The following PSD3 variants were observed in gnomAD, a reference collection of about 807,000 sequenced individuals.
PSD3 encodes the protein pleckstrin and Sec7 domain containing 3, also known as PH and SEC7 domain-containing protein 3.
A neutral mutation model predicts 105.5 loss-of-function variants in PSD3; 49 were observed. The observed-to-expected ratio is 0.46, with a 90% CI of 0.37 to 0.59. PSD3 has a LOEUF of 0.59. Among genes scored for constraint, PSD3 ranks in the 20% least tolerant of loss-of-function variants. The pLI is 0.00. For missense variants in PSD3, 1,561 were observed against 1,263.8 expected (o/e 1.24, Z -3.57); for synonymous variants, 557 against 457.8 (o/e 1.22, Z -2.77).
intron 4 of PSD3, among the ~76,000 whole-genome samples, chr8:18,830,170 G>A (rs1174528521): frequency 6.6e-6 from 1 of 152,076 alleles, no homozygotes; most frequent in African/African-American, 2.4e-5. Context: ...TTGAACTACT[G>A]TCCTCAAGTG....
intron 1 of PSD3, among the ~76,000 whole-genome samples, chr8:19,077,536 A>C (rs1448508652): frequency 1.3e-5 from 2 of 152,176 alleles, no homozygotes; most frequent in Admixed American, 6.5e-5. Flanking sequence ...TGTAGCCGTC[A>C]TTCTGTCATT....
chr8:18,763,083 C>A (rs575583361), intron 9 of PSD3: 1 of 470,062 alleles, frequency 2.1e-6, no homozygotes, highest in South Asian at 1.5e-5. Context: ...TGACATGGAA[C>A]AACAGACATT....
At chr8:18,959,989 G>A (rs1282114568) in intron 1 of PSD3, among the ~76,000 whole-genome samples, 1 of 152,136 alleles carries the variant, frequency 6.6e-6, no homozygotes, top group Non-Finnish European at 1.5e-5. Context: ...TCAAAGCACA[G>A]TACAAGTCCC....
chr8:18,738,557 C>T (rs550751205), intron 9 of PSD3, among the ~76,000 whole-genome samples: 2 of 152,300 alleles, frequency 1.3e-5, no homozygotes, highest in Admixed American at 1.3e-4. Context: ...ATCTACCATA[C>T]ACATCACATG....
At chr8:18,550,792 G>A (rs1185632058) in intron 15 of PSD3, among the ~76,000 whole-genome samples, 2 of 151,774 alleles carry the variant, frequency 1.3e-5, no homozygotes, top group Admixed American at 6.6e-5. Flanking sequence ...AGTATCCCAC[G>A]AAAAAAAGAA....
intron 1 of PSD3, among the ~76,000 whole-genome samples, chr8:18,960,154 A>G (rs1823824482): frequency 6.6e-6 from 1 of 152,244 alleles, no homozygotes; most frequent in South Asian, 2.1e-4. Context: ...AGAAAAACCG[A>G]GTCCCTGTCT....
intron 12 of PSD3, among the ~76,000 whole-genome samples, chr8:18,591,494 G>C (rs1177084526): frequency 1.3e-5 from 2 of 152,176 alleles, no homozygotes; most frequent in Non-Finnish European, 2.9e-5. Context: ...AAGAAAGGTA[G>C]AGTGTGTGGC....
rs139174384 is a variant in PSD3, at chr8:18,890,137, C to T, written c.131-17404G>A. On this transcript the variant is annotated intron_variant, in intron 2 of 15. Transcript: ENST00000327040. The stretch of plus-strand genomic sequence containing the variant: ...TTTATTGTTACCTTTTTTTAAAGCA[C>T]GGGATCCACGTAGGAGACAATAAGA... Among the ~76,000 whole-genome samples, 17 of 151,836 alleles carry T rather than the reference C, an allele frequency of 1.1e-4. No individual in the cohort carries two copies. In the East Asian group the frequency reaches 3.3e-3, roughly 29 times the overall value.
chr8:18,875,479 A>G (rs1329567632), intron 2 of PSD3, among the ~76,000 whole-genome samples: 2 of 151,176 alleles, frequency 1.3e-5, no homozygotes, highest in African/African-American at 4.9e-5. Flanking sequence ...ACCTTTTAAG[A>G]TTCAGGCATT....
chr8:18,790,956 A>G (rs1195365174), intron 8 of PSD3, among the ~76,000 whole-genome samples: 1 of 152,224 alleles, frequency 6.6e-6, no homozygotes, highest in African/African-American at 2.4e-5. Context: ...CCAAATCATG[A>G]ATGAACTCCC....
intron 9 of PSD3, among the ~76,000 whole-genome samples, chr8:18,671,223 C>T (rs926394410): frequency 7.2e-5 from 11 of 152,234 alleles, no homozygotes; most frequent in African/African-American, 2.4e-4. Flanking sequence ...GACTCCACTT[C>T]GCCGATCTAG....
intron 4 of PSD3, among the ~76,000 whole-genome samples, chr8:18,858,939 A>G (rs1462336347): frequency 6.6e-6 from 1 of 152,096 alleles, no homozygotes; most frequent in Non-Finnish European, 1.5e-5. Context: ...CAAATCATAA[A>G]TGTTCTTAAT....
intron 1 of PSD3, chr8:18,940,386 G>A (rs1822456428): frequency 6.6e-6 from 1 of 152,226 alleles, no homozygotes; most frequent in Non-Finnish European, 1.5e-5. Flanking sequence ...CCAGCTTTGA[G>A]GAGCAAGGCT....
intron 14 of PSD3, among the ~76,000 whole-genome samples, chr8:18,570,472 A>T (rs1227379695): frequency 2.8e-5 from 4 of 144,824 alleles, no homozygotes; most frequent in African/African-American, 1.0e-4. Flanking sequence ...GACAAATGGG[A>T]TCTAATTAAA....
chr8:19,028,567 A>G lies in PSD3; in HGVS notation c.324+55639T>C, dbSNP rs1827651228. Among the ~76,000 whole-genome samples the G allele has an allele frequency of 2.0e-5, 3 of 152,074 alleles. No individual in the cohort carries two copies. In the South Asian group the frequency reaches 6.2e-4, roughly 32 times the overall value. ...TTTATACTATTACTGATTTGTAAGA[A>G]TTCTTTATACATCCTGGATACAATT... On this transcript the variant is annotated intron_variant, in intron 1 of 1. Coordinates refer to the PSD3 transcript ENST00000521475.
intron 1 of PSD3, among the ~76,000 whole-genome samples, chr8:19,012,567 G>A (rs1827001811): frequency 6.6e-6 from 1 of 152,174 alleles, no homozygotes; most frequent in Non-Finnish European, 1.5e-5. Context: ...AAGCCCGGAG[G>A]CCAGAAGCTT....
intron 4 of PSD3, among the ~76,000 whole-genome samples, chr8:18,866,279 C>A (rs80268341): frequency 0.015 from 2,345 of 152,314 alleles, 62 homozygotes; most frequent in African/African-American, 0.053. Context: ...TTCAGGAATG[C>A]CTCCTCGCCA....
chr8:18,673,488 C>T (rs1040254724), intron 9 of PSD3, among the ~76,000 whole-genome samples: 3 of 152,130 alleles, frequency 2.0e-5, no homozygotes, highest in Non-Finnish European at 2.9e-5. Context: ...GGCATTCCTT[C>T]GGTGCCATGG....
Position 18,531,957 on chromosome 8 carries a change from T to G in PSD3, c.*3786A>C, listed in dbSNP as rs1320776080. The G allele has an allele frequency of 2.6e-5, 4 of 152,214 alleles. No individual in the cohort carries two copies. Among genetic ancestry groups the G allele is most frequent in the African/African-American group, 9.6e-5 (4 of 41,454 alleles). The allele number at this position is 152,214 out of a possible 1,614,324, so 9.4% of individuals were successfully genotyped here. ...ATTCAAACCTGCAAAGCTAAACTTC[T>G]GTGAATTCAGGATGCAACATGCTTA... is the stretch of plus-strand genomic sequence containing the variant. On this transcript the variant is annotated 3_prime_UTR_variant, in exon 16 of 16. Coordinates refer to ENST00000327040, the MANE Select transcript of PSD3 (RefSeq NM_015310.4).
Sources: gnomAD v4.1 joint callset for allele counts (sites outside exome capture counted in the v4.1 genomes callset) on GRCh38, gnomAD v4.1.1 for gene constraint, MANE v1.5 for transcripts, NCBI Gene and HGNC (gene_info 2026-07-23, HGNC 2026-07-21) for gene names.